The following SLC9A9 variants were observed in gnomAD, a reference collection of about 807,000 sequenced individuals.
SLC9A9 encodes the protein solute carrier family 9 member A9, also known as sodium/hydrogen exchanger 9.
SLC9A9 carries 62 observed loss-of-function variants against 77.8 expected under a neutral mutation model. That is an observed-to-expected ratio of 0.80 (90% CI 0.65 to 0.98). The LOEUF (loss-of-function observed/expected upper bound fraction) is 0.98, where lower values mean the gene tolerates loss of function less well. Among genes scored for constraint, SLC9A9 ranks in the 50% least tolerant of loss-of-function variants. SLC9A9 has a pLI of 0.00. For synonymous variants in SLC9A9, 320 were observed against 283.5 expected (o/e 1.13, Z -1.29); for missense variants, 775 against 774.9 (o/e 1.00, Z 0.00).
chr3:143,395,574 C>A lies in SLC9A9; in HGVS notation c.1470-13460G>T, dbSNP rs559890388. ...ATGTCTAAAACACCAAAAGCAATGGCAACAAAAGCCAAAATAGACAAATGG... is the reference window on the plus strand; with the variant it reads ...ATGTCTAAAACACCAAAAGCAATGGAAACAAAAGCCAAAATAGACAAATGG... On this transcript the variant is annotated intron_variant, in intron 12 of 15. Transcript: ENST00000316549. 2.0e-5 allele frequency among the ~76,000 whole-genome samples: 3 copies of A among 152,248 alleles called. No individual in the cohort carries two copies. The South Asian group carries it at 6.2e-4, about 32-fold the overall frequency.
intron 13 of SLC9A9, among the ~76,000 whole-genome samples, chr3:143,374,148 G>A (rs962256247): frequency 2.0e-5 from 3 of 151,926 alleles, no homozygotes; most frequent in African/African-American, 2.4e-5. Context: ...GCCAGAGGCC[G>A]GGTGTGGTGG....
At chr3:143,434,848 C>T (rs1024291070) in intron 12 of SLC9A9, among the ~76,000 whole-genome samples, 1 of 152,124 alleles carries the variant, frequency 6.6e-6, no homozygotes, top group Non-Finnish European at 1.5e-5. Context: ...CTCTCTCAAC[C>T]TCACCTCCTT....
At chr3:143,579,290 A>G (rs757421680) in intron 6 of SLC9A9, among the ~76,000 whole-genome samples, 8 of 152,158 alleles carry the variant, frequency 5.3e-5, no homozygotes, top group Non-Finnish European at 7.4e-5. Flanking sequence ...TGGAGAGACA[A>G]AACCCTCATT....
intron 4 of SLC9A9, among the ~76,000 whole-genome samples, chr3:143,750,897 G>A (rs1278604551): frequency 1.3e-5 from 2 of 152,112 alleles, no homozygotes; most frequent in African/African-American, 4.8e-5. Flanking sequence ...TATTTAGATT[G>A]CAACTGTATG....
intron 5 of SLC9A9, among the ~76,000 whole-genome samples, chr3:143,682,430 C>T (rs993790005): frequency 5.9e-5 from 9 of 152,056 alleles, no homozygotes; most frequent in Non-Finnish European, 1.2e-4. Flanking sequence ...CATTTTATAT[C>T]TAAAAGCATT....
At chr3:143,428,132 A>G (rs369523293) in intron 12 of SLC9A9, among the ~76,000 whole-genome samples, 2 of 152,222 alleles carry the variant, frequency 1.3e-5, no homozygotes, top group East Asian at 3.8e-4. Flanking sequence ...AACAAAGTGA[A>G]GAGACAACCT....
chr3:143,816,224 G>C (rs75586032), intron 2 of SLC9A9, among the ~76,000 whole-genome samples: 3,051 of 152,150 alleles, frequency 0.02, 89 homozygotes, highest in African/African-American at 0.063. Context: ...TTATATTCGA[G>C]ACAGGGTCTT....
intron 12 of SLC9A9, among the ~76,000 whole-genome samples, chr3:143,411,931 G>A (rs2034103857): frequency 6.6e-6 from 1 of 152,142 alleles, no homozygotes; most frequent in African/African-American, 2.4e-5. Flanking sequence ...ACAACAAGCA[G>A]ACAAACTGTT....
intron 13 of SLC9A9, among the ~76,000 whole-genome samples, chr3:143,369,915 T>A (rs1367213776): frequency 6.6e-6 from 1 of 152,204 alleles, no homozygotes; most frequent in African/African-American, 2.4e-5. Context: ...TGGAAAGGAA[T>A]TAAGTATGCC....
intron 2 of SLC9A9, among the ~76,000 whole-genome samples, chr3:143,800,143 C>T (rs911429204): frequency 1.3e-5 from 2 of 152,142 alleles, no homozygotes; most frequent in Admixed American, 6.5e-5. Context: ...AAGTCTCCTT[C>T]GCATCTTCCC....
chr3:143,380,468 T>G (rs16853525), intron 13 of SLC9A9, among the ~76,000 whole-genome samples: 2 of 152,078 alleles, frequency 1.3e-5, no homozygotes, highest in African/African-American at 2.4e-5. Flanking sequence ...ATAAAAGTTT[T>G]CTTGAAGGTA....
chr3:143,495,854 T>TC (rs796696075), intron 9 of SLC9A9, among the ~76,000 whole-genome samples: 12 of 152,292 alleles, frequency 7.9e-5, no homozygotes, highest in African/African-American at 2.9e-4. Flanking sequence ...CCACTTGACT[T>TC]CCCAGGTACT....
intron 9 of SLC9A9, among the ~76,000 whole-genome samples, chr3:143,528,766 T>C (rs2036451329): frequency 6.6e-6 from 1 of 151,436 alleles, no homozygotes; most frequent in African/African-American, 2.4e-5. Context: ...ATACATTAAC[T>C]CATGCCTGGG....
At chr3:143,555,692 C>T (rs570026520) in intron 8 of SLC9A9, among the ~76,000 whole-genome samples, 4 of 152,260 alleles carry the variant, frequency 2.6e-5, no homozygotes, top group South Asian at 2.1e-4. Context: ...AGAGATTTTA[C>T]GAAAAAGATT....
intron 14 of SLC9A9, among the ~76,000 whole-genome samples, chr3:143,301,695 C>T (rs755403760): frequency 3.9e-5 from 6 of 152,058 alleles, no homozygotes; most frequent in Non-Finnish European, 5.9e-5. Context: ...GGGCACAGTC[C>T]CTGTGTTTTT....
chr3:143,681,329 G>A (rs182576615), intron 5 of SLC9A9, among the ~76,000 whole-genome samples: 7 of 151,956 alleles, frequency 4.6e-5, no homozygotes, highest in South Asian at 2.1e-4. Context: ...TATTAGTAAC[G>A]CTGCCGCATA....
At chr3:143,651,200 C>T (rs2038788760) in intron 6 of SLC9A9, among the ~76,000 whole-genome samples, 1 of 152,214 alleles carries the variant, frequency 6.6e-6, no homozygotes, top group Non-Finnish European at 1.5e-5. Context: ...ATTTGTGAAT[C>T]TGCCCATGGC....
intron 14 of SLC9A9, among the ~76,000 whole-genome samples, chr3:143,270,183 T>C (rs927552071): frequency 6.6e-6 from 1 of 152,222 alleles, no homozygotes; most frequent in African/African-American, 2.4e-5. Flanking sequence ...TGTGCCCAGT[T>C]AGGTGAAGAT....
At chr3:143,428,981 T>C (rs1169646999) in intron 12 of SLC9A9, among the ~76,000 whole-genome samples, 1 of 152,202 alleles carries the variant, frequency 6.6e-6, no homozygotes, top group African/African-American at 2.4e-5. Flanking sequence ...GAAGTTTTGG[T>C]GCTCTATTAC....
Sources: allele counts gnomAD v4.1 joint callset (sites outside exome capture counted in the v4.1 genomes callset), GRCh38; gene constraint gnomAD v4.1.1; transcripts MANE v1.5; gene names NCBI Gene and HGNC (gene_info 2026-07-23, HGNC 2026-07-21).